Variants in ZSCAN5B observed in about 807,000 individuals in gnomAD.
The protein encoded by ZSCAN5B is zinc finger and SCAN domain containing 5B.
ZSCAN5B carries 26 observed loss-of-function variants against 25.2 expected under a neutral mutation model. The observed-to-expected ratio is 1.03, with a 90% CI of 0.76 to 1.43. The LOEUF (loss-of-function observed/expected upper bound fraction) is 1.43. Ranked by LOEUF, ZSCAN5B falls within the 40% of genes most tolerant of loss-of-function variation. The pLI, the probability that ZSCAN5B is intolerant of heterozygous loss-of-function variation, is 0.00. For missense variants in ZSCAN5B, 745 were observed against 622.1 expected, an observed-to-expected ratio of 1.20 and a Z score of -2.10; for synonymous variants, 244 against 240.9, an observed-to-expected ratio of 1.01 and a Z score of -0.12.
intron 1 of ZSCAN5B, among the ~76,000 whole-genome samples, chr19:56,194,612 T>G (rs1341037744): frequency 6.6e-6 from 1 of 152,012 alleles, no homozygotes. Flanking sequence ...TTTAAAAAAT[T>G]TTATTTTTTT....
intron 1 of ZSCAN5B, among the ~76,000 whole-genome samples, chr19:56,195,256 C>T (rs868730179): frequency 2.6e-4 from 40 of 152,140 alleles, no homozygotes; most frequent in Middle Eastern, 6.8e-3. Flanking sequence ...TCACAGGGCT[C>T]CTGTGCAAAA....
At chr19:56,196,183 C>T (rs988020347) in intron 1 of ZSCAN5B, among the ~76,000 whole-genome samples, 1 of 152,118 alleles carries the variant, frequency 6.6e-6, no homozygotes, top group Admixed American at 6.5e-5. Flanking sequence ...TCCCGAGTAG[C>T]TGGGATTATA....
chr19:56,194,639 G>A (rs1237158930), intron 1 of ZSCAN5B, among the ~76,000 whole-genome samples: 1 of 151,864 alleles, frequency 6.6e-6, no homozygotes, highest in Non-Finnish European at 1.5e-5. Flanking sequence ...GTTTTTTGAG[G>A]TGGAGTTTCG....
chr19:56,191,524 C>G (rs1471257215), intron 3 of ZSCAN5B, among the ~76,000 whole-genome samples: 3 of 152,180 alleles, frequency 2.0e-5, no homozygotes, highest in Non-Finnish European at 4.4e-5. Flanking sequence ...TGCTGAATGA[C>G]TTCATGAAAT....
intron 1 of ZSCAN5B, among the ~76,000 whole-genome samples, chr19:56,194,292 C>T (rs916287331): frequency 1.3e-5 from 2 of 151,864 alleles, no homozygotes; most frequent in Non-Finnish European, 2.9e-5. Context: ...TACCATAGAG[C>T]GGTTTTTTCT....
intron 3 of ZSCAN5B, among the ~76,000 whole-genome samples, chr19:56,191,226 G>A (rs1316484314): frequency 6.6e-6 from 1 of 152,068 alleles, no homozygotes; most frequent in African/African-American, 2.4e-5. Context: ...TCCCCGCCGT[G>A]CCAATGTCTC....
exon 5 of ZSCAN5B, chr19:56,190,128 G>A (rs376043891): frequency 1.2e-6 from 2 of 1,614,038 alleles, no homozygotes; most frequent in African/African-American, 1.3e-5. Flanking sequence ...TCGGAGGTCT[G>A]AGGGCTGCAA....
At chr19:56,195,879 G>A (rs1013800300) in intron 1 of ZSCAN5B, among the ~76,000 whole-genome samples, 1 of 151,840 alleles carries the variant, frequency 6.6e-6, no homozygotes, top group Non-Finnish European at 1.5e-5. Flanking sequence ...TTTTAAACTT[G>A]CAGCAGTGTC....
chr19:56,190,996 GA>G lies in ZSCAN5B; in HGVS notation c.589-10del. 6.2e-7 allele frequency: 1 copy of G among 1,613,640 alleles called. No homozygotes were observed. Among genetic ancestry groups the G allele is most frequent in the South Asian group, 1.1e-5 (1 of 91,044 alleles). On this transcript the variant is annotated splice_polypyrimidine_tract_variant and intron_variant, in intron 3 of 4. Transcript: ENST00000586855. ...AGCAGAAAGTCCTCTCCCTGAAGAG[GA>G]AAAACCAAGAGCAATGACTGCCGTG...
At chr19:56,192,790 A>G in exon 2 of ZSCAN5B, 6 of 1,611,796 alleles carry the variant, frequency 3.7e-6, no homozygotes, top group Non-Finnish European at 5.1e-6. Context: ...CTGCTCCATC[A>G]CCAGCATGTC....
At chr19:56,196,639 G>A (rs1248688908) in intron 1 of ZSCAN5B, among the ~76,000 whole-genome samples, 4 of 152,232 alleles carry the variant, frequency 2.6e-5, no homozygotes, top group Admixed American at 2.6e-4. Flanking sequence ...GGCCTGGTGC[G>A]ATGGCTCACT....
Position 56,191,885 on chromosome 19 carries a change from T to C in ZSCAN5B, c.553A>G (p.Ile185Val), listed in dbSNP as rs2032739217. The C allele has an allele frequency of 3.1e-6, 5 of 1,613,974 alleles. No individual in the cohort carries two copies. The Admixed American group carries it at 8.3e-5, about 27-fold the overall frequency. Reference sequence around the variant, plus strand: ...GACAGTGCAGCGACCCTGGGCAGGATCTGCTGCTCTCGGCGGGCCTGGCCT... The same window carrying C: ...GACAGTGCAGCGACCCTGGGCAGGACCTGCTGCTCTCGGCGGGCCTGGCCT... Residue 185 changes from isoleucine to valine, a missense_variant, in exon 3 of 5, where the codon ATC becomes GTC. Ile to Val is a conservative substitution (Grantham distance 29). Coordinates refer to ENST00000586855, the Ensembl canonical transcript of ZSCAN5B.
At chr19:56,191,192 T>C (rs2122195041) in intron 3 of ZSCAN5B, among the ~76,000 whole-genome samples, 1 of 152,290 alleles carries the variant, frequency 6.6e-6, no homozygotes, top group Non-Finnish European at 1.5e-5. Context: ...CGGTTTTCAC[T>C]GTTTGGTTCT....
intron 1 of ZSCAN5B, among the ~76,000 whole-genome samples, chr19:56,196,065 T>C (rs2032805721): frequency 6.6e-6 from 1 of 152,252 alleles, no homozygotes; most frequent in Admixed American, 6.5e-5. Context: ...TATTGATTTA[T>C]TTTTTGAGAC....
chr19:56,189,779 C>T lies in ZSCAN5B; in HGVS notation c.*48G>A, dbSNP rs746054602. The T allele has an allele frequency of 1.9e-6, 3 of 1,548,086 alleles. No individual in the cohort carries two copies. The Admixed American group carries it at 5.9e-5, about 30-fold the overall frequency. ...TCATCTGGTAACATTGGAGAAAAAC[C>T]ATCATTCACTGTCTCTTGGGGTGGA... On this transcript the variant is annotated 3_prime_UTR_variant, in exon 5 of 5. Coordinates refer to ENST00000586855, the Ensembl canonical transcript of ZSCAN5B.
At chr19:56,193,305 T>G (rs2032765670) in intron 1 of ZSCAN5B, 126 bp from the exon 2 acceptor site, 1 of 451,920 alleles carries the variant, frequency 2.2e-6, no homozygotes, top group South Asian at 4.3e-5. Flanking sequence ...CCTGTGGAAA[T>G]GAATCCACTC....
exon 5 of ZSCAN5B, chr19:56,189,862 G>A: frequency 6.2e-7 from 1 of 1,613,198 alleles, no homozygotes; most frequent in Non-Finnish European, 8.5e-7. Context: ...GTTTTCAGGT[G>A]ACGCTTGAAT....
intron 1 of ZSCAN5B, among the ~76,000 whole-genome samples, chr19:56,194,581 G>C (rs1168020426): frequency 6.6e-6 from 1 of 152,068 alleles, no homozygotes; most frequent in Non-Finnish European, 1.5e-5. Context: ...AGGCGTGATT[G>C]CATTGCAGCT....
rs1388816360 is a variant in ZSCAN5B, at chr19:56,197,772, G to C, written c.-166C>G. The C allele has an allele frequency of 4.1e-6, 4 of 985,242 alleles. No homozygotes were observed. The highest frequency in any genetic ancestry group is 1.1e-4 in the East Asian group (1 of 8,826). 61.0% of individuals were successfully genotyped at this position (985,242 alleles called of 1,614,324 possible). On this transcript the variant is annotated 5_prime_UTR_variant, in exon 1 of 5. It adds an upstream start codon to the 5' untranslated region. Transcript: ENST00000586855. The stretch of plus-strand genomic sequence containing the variant: ...TCTGCCTCCGACCTTCTCGGTCTGG[G>C]ATGCGCTCTCCAACCGGCCTGGAGC...
Sources: allele counts gnomAD v4.1 joint callset (sites outside exome capture counted in the v4.1 genomes callset), GRCh38; gene constraint gnomAD v4.1.1; transcripts MANE v1.5; gene names NCBI Gene and HGNC (gene_info 2026-07-23, HGNC 2026-07-21).